Variants in PTPRD observed in about 807,000 individuals in gnomAD.
PTPRD encodes the protein receptor-type tyrosine-protein phosphatase delta.
In PTPRD, 34 loss-of-function variants were observed where a neutral mutation model predicts 214.5. The ratio of observed to expected loss-of-function variants is 0.16; its 90% CI spans 0.12 to 0.21. PTPRD has a LOEUF of 0.21. PTPRD is among the 10% of genes least tolerant of loss of function. The pLI is 1.00. For synonymous variants in PTPRD, 1,128 were observed against 845.7 expected, an observed-to-expected ratio of 1.33 and a Z score of -5.79; for missense variants, 2,545 against 2,398.7, an observed-to-expected ratio of 1.06 and a Z score of -1.27.
At chr9:8,866,469 G>A (rs1160644745) in intron 11 of PTPRD, among the ~76,000 whole-genome samples, 35 of 151,992 alleles carry the variant, frequency 2.3e-4, no homozygotes. Flanking sequence ...CCAACGTGCT[G>A]CCCAATTAAC....
At chr9:8,454,374 GTT>G (rs1443194410) in intron 33 of PTPRD, among the ~76,000 whole-genome samples, 1 of 152,044 alleles carries the variant, frequency 6.6e-6, no homozygotes, top group African/African-American at 2.4e-5. Context: ...CCTTTAATCT[GTT>G]TTTTTCTAAT....
At chr9:8,487,330 T>C (rs2097045940) in intron 27 of PTPRD, among the ~76,000 whole-genome samples, 1 of 152,196 alleles carries the variant, frequency 6.6e-6, no homozygotes, top group Admixed American at 6.5e-5. Context: ...TTCAATGTAT[T>C]ATTATGTCTG....
intron 11 of PTPRD, among the ~76,000 whole-genome samples, chr9:8,874,498 C>G (rs1029131049): frequency 6.6e-6 from 1 of 152,134 alleles, no homozygotes; most frequent in Non-Finnish European, 1.5e-5. Context: ...CAATATTGTT[C>G]CTTCTCTTCA....
rs561477336 is a variant in PTPRD, at chr9:10,141,188, C to A, written c.-544-107398G>T. On this transcript the variant is annotated intron_variant, in intron 3 of 45. Transcript: ENST00000381196. ...TGGAAGCATTCCCTTTGAAAACTGGCACAAGACAGGGATGCCCTCTCTCAC... is the reference window on the plus strand; with the variant it reads ...TGGAAGCATTCCCTTTGAAAACTGGAACAAGACAGGGATGCCCTCTCTCAC... Among the ~76,000 whole-genome samples the A allele has an allele frequency of 1.5e-3, 229 of 152,174 alleles. 2 individuals are homozygous for A. Among genetic ancestry groups the A allele is most frequent in the Non-Finnish European group, 5.6e-4 (38 of 68,004 alleles).
intron 3 of PTPRD, among the ~76,000 whole-genome samples, chr9:10,103,564 C>G (rs1289009823): frequency 6.6e-6 from 1 of 151,186 alleles, no homozygotes; most frequent in Non-Finnish European, 1.5e-5. Context: ...TATAAGCCCC[C>G]TAAAGCCCTT....
At chr9:9,143,654 GT>G (rs1467702953) in intron 10 of PTPRD, among the ~76,000 whole-genome samples, 13 of 152,270 alleles carry the variant, frequency 8.5e-5, no homozygotes, top group Admixed American at 3.3e-4. Flanking sequence ...TCAGAGTTTA[GT>G]ACATCAGGCA....
intron 3 of PTPRD, among the ~76,000 whole-genome samples, chr9:10,072,889 G>T (rs1267226265): frequency 6.6e-6 from 1 of 152,064 alleles, no homozygotes; most frequent in Non-Finnish European, 1.5e-5. Flanking sequence ...AATGTTTATA[G>T]CAGTTTTATT....
At chr9:9,234,141 A>G (rs2099964984) in intron 9 of PTPRD, among the ~76,000 whole-genome samples, 1 of 152,106 alleles carries the variant, frequency 6.6e-6, no homozygotes, top group Non-Finnish European at 1.5e-5. Context: ...TCCATACATG[A>G]TCTGAAATCT....
At chr9:8,604,021 T>G (rs2095046379) in intron 14 of PTPRD, among the ~76,000 whole-genome samples, 1 of 152,206 alleles carries the variant, frequency 6.6e-6, no homozygotes, top group African/African-American at 2.4e-5. Context: ...TATCCAAAAT[T>G]AAACAATTAT....
intron 5 of PTPRD, among the ~76,000 whole-genome samples, chr9:9,938,199 T>A (rs1329375569): frequency 6.6e-6 from 1 of 152,152 alleles, no homozygotes; most frequent in Non-Finnish European, 1.5e-5. Flanking sequence ...CAAACAGCTT[T>A]CAGTCTTATG....
chr9:10,064,107 T>C (rs922819906), intron 3 of PTPRD, among the ~76,000 whole-genome samples: 4 of 151,900 alleles, frequency 2.6e-5, no homozygotes, highest in African/African-American at 7.2e-5. Context: ...GTCTTCAATG[T>C]GTAACTTAAA....
intron 3 of PTPRD, among the ~76,000 whole-genome samples, chr9:10,112,232 G>A (rs1426639550): frequency 6.6e-6 from 1 of 152,184 alleles, no homozygotes; most frequent in East Asian, 1.9e-4. Context: ...TAGCCAGGAA[G>A]ACAACCAGTC....
chr9:9,469,162 CTAAAA>C (rs2094423490), intron 8 of PTPRD, among the ~76,000 whole-genome samples: 1 of 151,828 alleles, frequency 6.6e-6, no homozygotes, highest in Admixed American at 6.6e-5. Context: ...CATTAACATC[CTAAAA>C]TATTATGTAT....
chr9:10,314,615 T>A (rs538439341), intron 3 of PTPRD, among the ~76,000 whole-genome samples: 2 of 151,902 alleles, frequency 1.3e-5, no homozygotes, highest in Non-Finnish European at 2.9e-5. Flanking sequence ...ATAGTAGTTT[T>A]CATTGTGTCA....
At chr9:9,387,432 T>C (rs553440122) in intron 9 of PTPRD, among the ~76,000 whole-genome samples, 30 of 152,308 alleles carry the variant, frequency 2.0e-4, no homozygotes, top group African/African-American at 7.0e-4. Context: ...ATTTATTCGT[T>C]TCCCCTTTTA....
At chr9:10,035,804 T>G (rs756417555) in intron 3 of PTPRD, among the ~76,000 whole-genome samples, 2 of 149,122 alleles carry the variant, frequency 1.3e-5, no homozygotes, top group Middle Eastern at 3.4e-3. Context: ...TCCTGCTCAA[T>G]AATAAAAGTT....
chr9:9,261,899 C>A (rs1405193225), intron 9 of PTPRD, among the ~76,000 whole-genome samples: 1 of 151,636 alleles, frequency 6.6e-6, no homozygotes, highest in Non-Finnish European at 1.5e-5. Flanking sequence ...ATTATCATTT[C>A]TATTATTTTC....
chr9:9,483,980 A>T (rs2095523663), intron 8 of PTPRD, among the ~76,000 whole-genome samples: 1 of 151,912 alleles, frequency 6.6e-6, no homozygotes, highest in Non-Finnish European at 1.5e-5. Context: ...GCTAAAAAAA[A>T]TCCACACCAT....
intron 10 of PTPRD, among the ~76,000 whole-genome samples, chr9:9,178,847 T>C (rs2099926477): frequency 6.6e-6 from 1 of 152,110 alleles, no homozygotes; most frequent in Non-Finnish European, 1.5e-5. Flanking sequence ...TGAGCTTTCT[T>C]CTTCTGGCCA....
Sources: allele counts gnomAD v4.1 joint callset (sites outside exome capture counted in the v4.1 genomes callset), GRCh38; gene constraint gnomAD v4.1.1; transcripts MANE v1.5; gene names NCBI Gene and HGNC (gene_info 2026-07-23, HGNC 2026-07-21).